Variants in TMEM178B observed in about 807,000 individuals in gnomAD.
The protein encoded by TMEM178B is transmembrane protein 178B.
TMEM178B carries 5 observed loss-of-function variants against 31.0 expected under a neutral mutation model. That is an observed-to-expected ratio of 0.16 (90% CI 0.08 to 0.34). The LOEUF (loss-of-function observed/expected upper bound fraction) is 0.34. Among genes scored for constraint, TMEM178B ranks in the 10% least tolerant of loss-of-function variants. The pLI, the probability that TMEM178B is intolerant of heterozygous loss-of-function variation, is 1.00. For synonymous variants in TMEM178B, 164 were observed against 164.0 expected (o/e 1.00, Z 0.00); for missense variants, 275 against 400.3 (o/e 0.69, Z 2.67).
intron 2 of TMEM178B, among the ~76,000 whole-genome samples, chr7:141,325,420 C>T (rs953318977): frequency 1.3e-5 from 2 of 152,146 alleles, no homozygotes; most frequent in Non-Finnish European, 2.9e-5. Flanking sequence ...CAGGAGCTGC[C>T]TACCCACAAC....
At chr7:141,194,929 G>T (rs939652720) in intron 1 of TMEM178B, among the ~76,000 whole-genome samples, 6 of 152,212 alleles carry the variant, frequency 3.9e-5, no homozygotes, top group African/African-American at 1.4e-4. Context: ...CAAGGCTTGG[G>T]GCTTCCACCC....
At chr7:141,173,130 G>T (rs144543291) in intron 1 of TMEM178B, 1 of 152,300 alleles carries the variant, frequency 6.6e-6, no homozygotes, top group East Asian at 1.9e-4. Context: ...ACCACATTGA[G>T]AATTCTATGA....
chr7:141,445,943 A>G (rs1801745810), intron 3 of TMEM178B, among the ~76,000 whole-genome samples: 1 of 152,196 alleles, frequency 6.6e-6, no homozygotes, highest in Non-Finnish European at 1.5e-5. Context: ...CTCACAAACT[A>G]CTTCATACCC....
intron 1 of TMEM178B, among the ~76,000 whole-genome samples, chr7:141,197,074 A>G (rs1170648765): frequency 7.9e-5 from 12 of 152,210 alleles, no homozygotes; most frequent in African/African-American, 2.9e-4. Context: ...ATCTTAAAGG[A>G]CATTCGTGGT....
At position 141,473,064 on chromosome 7, in the gene TMEM178B, A is replaced by C. The variant is rs928592846; in HGVS notation, c.*2278A>C. On this transcript the variant is annotated 3_prime_UTR_variant, in exon 4 of 4. Coordinates refer to ENST00000565468, the MANE Select transcript of TMEM178B (RefSeq NM_001195278.2). ...GCAACGGGAAAAGTTGTTAGCTTCCAGTTGGGGTTCTAAGGATTATTTTTA... is the reference window on the plus strand; with the variant it reads ...GCAACGGGAAAAGTTGTTAGCTTCCCGTTGGGGTTCTAAGGATTATTTTTA... The C allele has an allele frequency of 4.6e-5, 7 of 152,234 alleles. No homozygotes were observed. Among genetic ancestry groups the C allele is most frequent in the Non-Finnish European group, 7.3e-5 (5 of 68,042 alleles). 9.4% of individuals were successfully genotyped at this position (152,234 alleles called of 1,614,324 possible).
At chr7:141,096,566 G>C (rs188108264) in intron 1 of TMEM178B, among the ~76,000 whole-genome samples, 85 of 152,284 alleles carry the variant, frequency 5.6e-4, no homozygotes, top group Admixed American at 5.2e-3. Context: ...GGAGCTTCTG[G>C]ATAGCTGACC....
Position 141,151,171 on chromosome 7 carries a change from C to T in TMEM178B, c.383-61420C>T, listed in dbSNP as rs997652181. On this transcript the variant is annotated intron_variant, in intron 1 of 3. Transcript: ENST00000565468. The stretch of plus-strand genomic sequence containing the variant: ...ATACTGTCACTGACTCTCCCCTTGG[C>T]GTTTATTGTTGAGTGTACAGCATCC... Among the ~76,000 whole-genome samples, 6 of 152,208 alleles carry T rather than the reference C, an allele frequency of 3.9e-5. No homozygotes were observed. The South Asian group carries it at 6.2e-4, about 16-fold the overall frequency.
intron 3 of TMEM178B, among the ~76,000 whole-genome samples, chr7:141,440,486 G>A (rs930449976): frequency 3.9e-5 from 6 of 152,058 alleles, no homozygotes; most frequent in African/African-American, 1.4e-4. Flanking sequence ...ATGGTACTAG[G>A]GATGAACTGG....
At chr7:141,377,983 C>T (rs984510556) in intron 2 of TMEM178B, among the ~76,000 whole-genome samples, 1 of 152,168 alleles carries the variant, frequency 6.6e-6, no homozygotes, top group Non-Finnish European at 1.5e-5. Flanking sequence ...ATTCAGATTT[C>T]ATCCCTTTTC....
the TMEM178B span, among the ~76,000 whole-genome samples, chr7:141,497,017 A>T: frequency 6.6e-6 from 1 of 152,016 alleles, no homozygotes; most frequent in Non-Finnish European, 1.5e-5. Flanking sequence ...AGGCTACGAG[A>T]TTGCTGTGGT....
chr7:141,200,423 G>C (rs568566202), intron 1 of TMEM178B, among the ~76,000 whole-genome samples: 5 of 152,204 alleles, frequency 3.3e-5, no homozygotes, highest in African/African-American at 4.8e-5. Context: ...GTTGCGGGGG[G>C]AGACAGGATG....
intron 2 of TMEM178B, chr7:141,431,171 T>G (rs953758671): frequency 2.6e-5 from 2 of 77,782 alleles, no homozygotes; most frequent in African/African-American, 5.9e-5. Context: ...ACCATTTCTG[T>G]TTTTTTTTTT....
intron 2 of TMEM178B, among the ~76,000 whole-genome samples, chr7:141,254,019 A>G (rs1262460914): frequency 6.6e-6 from 1 of 152,042 alleles, no homozygotes; most frequent in Non-Finnish European, 1.5e-5. Flanking sequence ...CCCACTTTCA[A>G]CTTTTTGTTT....
At chr7:141,316,408 T>C (rs1303732234) in intron 2 of TMEM178B, among the ~76,000 whole-genome samples, 1 of 152,158 alleles carries the variant, frequency 6.6e-6, no homozygotes, top group African/African-American at 2.4e-5. Flanking sequence ...TTCCTAGGAT[T>C]GTATGTGGAA....
chr7:141,088,880 C>A (rs1224865088), intron 1 of TMEM178B, among the ~76,000 whole-genome samples: 1 of 152,198 alleles, frequency 6.6e-6, no homozygotes, highest in Non-Finnish European at 1.5e-5. Flanking sequence ...AAACAATTCA[C>A]ATCATTGTTC....
At chr7:141,303,320 T>C (rs1798759125) in intron 2 of TMEM178B, among the ~76,000 whole-genome samples, 1 of 152,140 alleles carries the variant, frequency 6.6e-6, no homozygotes, top group Non-Finnish European at 1.5e-5. Flanking sequence ...CAAGGCCAAA[T>C]ACCATGTTTG....
intron 1 of TMEM178B, among the ~76,000 whole-genome samples, chr7:141,190,317 G>T (rs916304544): frequency 1.3e-5 from 2 of 148,284 alleles, no homozygotes. Flanking sequence ...TGTAACTTTT[G>T]TTTTTTTTTT....
intron 2 of TMEM178B, among the ~76,000 whole-genome samples, chr7:141,373,857 A>G (rs185501364): frequency 2.3e-4 from 35 of 152,240 alleles, no homozygotes; most frequent in Admixed American, 2.6e-4. Context: ...ACCTCTGCTC[A>G]GGAGTCAAAA....
intron 2 of TMEM178B, among the ~76,000 whole-genome samples, chr7:141,250,900 C>T (rs1193983486): frequency 6.6e-6 from 1 of 152,156 alleles, no homozygotes; most frequent in East Asian, 1.9e-4. Flanking sequence ...AGGTCCAAAG[C>T]ATTGTCTCTG....
Sources: gnomAD v4.1 joint callset for allele counts (sites outside exome capture counted in the v4.1 genomes callset) on GRCh38, gnomAD v4.1.1 for gene constraint, MANE v1.5 for transcripts, NCBI Gene and HGNC (gene_info 2026-07-23, HGNC 2026-07-21) for gene names.